Variants in NKAIN2 observed in about 807,000 individuals in gnomAD.
NKAIN2 encodes sodium/potassium transporting ATPase interacting 2, also known as sodium/potassium-transporting ATPase subunit beta-1-interacting protein 2.
NKAIN2 carries 14 observed loss-of-function variants against 32.6 expected under a neutral mutation model. The ratio of observed to expected loss-of-function variants is 0.43; its 90% CI spans 0.28 to 0.67. The LOEUF (loss-of-function observed/expected upper bound fraction) is 0.67. Ranked by LOEUF, NKAIN2 falls within the 30% of genes least tolerant of loss-of-function variation. The probability of loss-of-function intolerance (pLI) is 0.17; values close to 1 mark genes in which losing one functional copy is unlikely to be tolerated. For missense variants in NKAIN2, 198 were observed against 258.3 expected (o/e 0.77, Z 1.60); for synonymous variants, 80 against 87.2 (o/e 0.92, Z 0.46).
At chr6:123,939,336 C>T (rs235684) in intron 1 of NKAIN2, among the ~76,000 whole-genome samples, 12,752 of 151,788 alleles carry the variant, frequency 0.084, 1,687 homozygotes, top group African/African-American at 0.28. Context: ...TGCCTTACCC[C>T]GCACACTCTT....
chr6:124,683,098 A>C (rs1298629403), intron 4 of NKAIN2, among the ~76,000 whole-genome samples: 3 of 152,194 alleles, frequency 2.0e-5, no homozygotes, highest in Non-Finnish European at 4.4e-5. Context: ...CCTCAAACAC[A>C]TTTGTAACAA....
chr6:124,418,550 T>A (rs899128947), intron 3 of NKAIN2, among the ~76,000 whole-genome samples: 1 of 138,472 alleles, frequency 7.2e-6, no homozygotes, highest in African/African-American at 3.1e-5. Flanking sequence ...GATTATATAT[T>A]ATATATATAA....
chr6:124,699,973 C>A (rs1482948198), intron 4 of NKAIN2, among the ~76,000 whole-genome samples: 3 of 152,122 alleles, frequency 2.0e-5, no homozygotes, highest in Non-Finnish European at 4.4e-5. Flanking sequence ...AATGGGGGAA[C>A]AATTACATTT....
At chr6:124,520,824 A>G (rs1779091737) in intron 3 of NKAIN2, among the ~76,000 whole-genome samples, 1 of 152,248 alleles carries the variant, frequency 6.6e-6, no homozygotes, top group Non-Finnish European at 1.5e-5. Context: ...AGCAATGACT[A>G]TATATGCCCT....
chr6:124,318,493 T>C (rs1764463150), intron 2 of NKAIN2, among the ~76,000 whole-genome samples: 1 of 152,176 alleles, frequency 6.6e-6, no homozygotes, highest in South Asian at 2.1e-4. Flanking sequence ...CTTGACAGAC[T>C]TTTGGGTGTT....
intron 3 of NKAIN2, among the ~76,000 whole-genome samples, chr6:124,626,336 A>AGTT (rs536625833): frequency 2.7e-4 from 41 of 152,076 alleles, no homozygotes; most frequent in African/African-American, 8.7e-4. Flanking sequence ...ATCAGCTTTG[A>AGTT]GTTGATGAAA....
chr6:124,008,117 G>A (rs977313888), intron 1 of NKAIN2, among the ~76,000 whole-genome samples: 9 of 152,146 alleles, frequency 5.9e-5, no homozygotes, highest in African/African-American at 2.2e-4. Context: ...AGAGTACATG[G>A]CCAGGGTAAA....
intron 3 of NKAIN2, among the ~76,000 whole-genome samples, chr6:124,412,010 G>C (rs147346664): frequency 6.6e-6 from 1 of 152,072 alleles, no homozygotes; most frequent in East Asian, 1.9e-4. Context: ...CGTGGTTCTC[G>C]TGCCGTGGTT....
chr6:124,606,746 G>A (rs895675455), intron 3 of NKAIN2, among the ~76,000 whole-genome samples: 1 of 152,150 alleles, frequency 6.6e-6, no homozygotes, highest in Admixed American at 6.6e-5. Context: ...TCTTCATTAA[G>A]TAGCATCTAT....
At position 124,800,353 on chromosome 6, in the gene NKAIN2, G is replaced by C. The variant is rs562869815; in HGVS notation, c.535+8954G>C. ...ATCTGAGCAAAGCAGCCTACACCTA[G>C]CTACTGAAAGAGAGCCTTGGAAATA... On this transcript the variant is annotated intron_variant, in intron 5 of 6. Transcript: ENST00000368417. Among the ~76,000 whole-genome samples, 4 of 152,266 alleles carry C rather than the reference G, an allele frequency of 2.6e-5. No homozygotes were observed. In the East Asian group the frequency reaches 7.7e-4, roughly 29 times the overall value.
intron 4 of NKAIN2, among the ~76,000 whole-genome samples, chr6:124,668,311 T>G (rs1772913185): frequency 6.6e-6 from 1 of 152,172 alleles, no homozygotes; most frequent in Admixed American, 6.5e-5. Flanking sequence ...AAGGATATTT[T>G]GAGTTTCTTT....
intron 1 of NKAIN2, among the ~76,000 whole-genome samples, chr6:123,901,130 T>A (rs1359371190): frequency 6.6e-6 from 1 of 152,170 alleles, no homozygotes; most frequent in Non-Finnish European, 1.5e-5. Flanking sequence ...AAAATAAGTC[T>A]TAGTTCACTT....
Position 123,908,857 on chromosome 6 carries a change from G to T in NKAIN2, c.54+104603G>T, listed in dbSNP as rs114545455. On this transcript the variant is annotated intron_variant, in intron 1 of 6. Coordinates refer to ENST00000368417, the MANE Select transcript of NKAIN2 (RefSeq NM_001040214.3). Reference sequence around the variant, plus strand: ...CAAATAAGTTTTCAGATTGCTTCTAGCTCCCCATGTCATAATTACTATTTT... The same window carrying T: ...CAAATAAGTTTTCAGATTGCTTCTATCTCCCCATGTCATAATTACTATTTT... Among the ~76,000 whole-genome samples the T allele has an allele frequency of 4.0e-3, 610 of 152,244 alleles. 4 individuals carry two copies. Among genetic ancestry groups the T allele is most frequent in the African/African-American group, 0.013 (555 of 41,532 alleles).
At chr6:124,393,025 A>C (rs1773211767) in intron 3 of NKAIN2, among the ~76,000 whole-genome samples, 1 of 152,092 alleles carries the variant, frequency 6.6e-6, no homozygotes, top group Non-Finnish European at 1.5e-5. Flanking sequence ...AAATACATAA[A>C]TACAGTTTGA....
At chr6:123,821,531 C>T (rs1280451858) in intron 1 of NKAIN2, among the ~76,000 whole-genome samples, 1 of 152,172 alleles carries the variant, frequency 6.6e-6, no homozygotes, top group African/African-American at 2.4e-5. Context: ...CAGAGTATAT[C>T]TAGATATAGA....
chr6:124,683,714 C>G, intron 4 of NKAIN2, among the ~76,000 whole-genome samples: 1 of 152,180 alleles, frequency 6.6e-6, no homozygotes, highest in East Asian at 1.9e-4. Flanking sequence ...ACCGACCTCT[C>G]TATTCACTCA....
At chr6:124,245,118 T>A (rs1259793806) in intron 1 of NKAIN2, among the ~76,000 whole-genome samples, 2 of 152,142 alleles carry the variant, frequency 1.3e-5, no homozygotes, top group African/African-American at 4.8e-5. Context: ...TTCTCAGGTG[T>A]TTGCGCTTGG....
At chr6:124,638,007 A>G (rs1226331841) in intron 3 of NKAIN2, among the ~76,000 whole-genome samples, 2 of 152,190 alleles carry the variant, frequency 1.3e-5, no homozygotes, top group Non-Finnish European at 2.9e-5. Flanking sequence ...CTTAAAAAAT[A>G]TATATGCTAC....
chr6:124,117,902 G>GAA (rs201260771), intron 1 of NKAIN2, among the ~76,000 whole-genome samples: 16 of 129,770 alleles, frequency 1.2e-4, no homozygotes, highest in South Asian at 2.4e-4. Context: ...AGTTAAAGCA[G>GAA]AAAAAAAAAA....
Sources: gnomAD v4.1 joint callset for allele counts (sites outside exome capture counted in the v4.1 genomes callset) on GRCh38, gnomAD v4.1.1 for gene constraint, MANE v1.5 for transcripts, NCBI Gene and HGNC (gene_info 2026-07-23, HGNC 2026-07-21) for gene names.